Variants in SACS observed in about 807,000 individuals in gnomAD.
The protein encoded by SACS is sacsin molecular chaperone.
Under a neutral mutation model 348.0 loss-of-function variants are expected in SACS, and 197 were observed. That is an observed-to-expected ratio of 0.57 (90% confidence interval 0.50 to 0.64). The LOEUF is 0.64. Among genes scored for constraint, SACS ranks in the 30% least tolerant of loss-of-function variants. The pLI, the probability that SACS is intolerant of heterozygous loss-of-function variation, is 0.00. For synonymous variants in SACS, 1,985 were observed against 1,910.6 expected (o/e 1.04, Z -1.02); for missense variants, 4,999 against 5,360.8 (o/e 0.93, Z 2.11).
chr13:23,396,032 T>C (rs1016103747), intron 2 of SACS, among the ~76,000 whole-genome samples: 3 of 152,160 alleles, frequency 2.0e-5, no homozygotes, highest in Admixed American at 6.6e-5. Flanking sequence ...TCAGAACTTA[T>C]ATAAATTCAG....
chr13:23,406,028 T>G (rs1873187521), intron 2 of SACS, among the ~76,000 whole-genome samples: 1 of 152,242 alleles, frequency 6.6e-6, no homozygotes, highest in African/African-American at 2.4e-5. Context: ...ATCCCGTTAC[T>G]GGGTATATAC....
At chr13:23,360,135 A>G (rs1391271655) in intron 6 of SACS, among the ~76,000 whole-genome samples, 1 of 152,102 alleles carries the variant, frequency 6.6e-6, no homozygotes, top group African/African-American at 2.4e-5. Context: ...TGGGGACCCA[A>G]TGAGACAGCA....
At chr13:23,358,099 A>G (rs1199186477) in intron 7 of SACS, among the ~76,000 whole-genome samples, 1 of 152,234 alleles carries the variant, frequency 6.6e-6, no homozygotes, top group Non-Finnish European at 1.5e-5. Flanking sequence ...CCACTGGATC[A>G]TGATGATGTT....
At chr13:23,406,386 G>A (rs1164372286) in intron 2 of SACS, among the ~76,000 whole-genome samples, 2 of 152,002 alleles carry the variant, frequency 1.3e-5, no homozygotes, top group East Asian at 3.9e-4. Context: ...GTCGGGGGGT[G>A]GGGATTAGGG....
chr13:23,405,861 T>C (rs1202402407), intron 2 of SACS, among the ~76,000 whole-genome samples: 1 of 152,132 alleles, frequency 6.6e-6, no homozygotes, highest in Non-Finnish European at 1.5e-5. Context: ...CCAGTTAGAA[T>C]GGTGATCATT....
chr13:23,381,711 A>G (rs1872065948), intron 2 of SACS, among the ~76,000 whole-genome samples: 1 of 152,236 alleles, frequency 6.6e-6, no homozygotes, highest in South Asian at 2.1e-4. Context: ...ACAAATGGGA[A>G]CTATTTGTTT....
chr13:23,366,989 C>T (rs1033946605), intron 5 of SACS, among the ~76,000 whole-genome samples: 2 of 152,176 alleles, frequency 1.3e-5, no homozygotes, highest in Non-Finnish European at 2.9e-5. Context: ...GGCTACAATA[C>T]AAATATATCT....
chr13:23,419,930 C>T (rs1873854335), intron 1 of SACS, among the ~76,000 whole-genome samples: 1 of 152,164 alleles, frequency 6.6e-6, no homozygotes. Context: ...CTGGGTGTCC[C>T]CATGGAACCT....
intron 1 of SACS, among the ~76,000 whole-genome samples, chr13:23,418,009 A>T (rs867936965): frequency 1.3e-5 from 2 of 150,970 alleles, no homozygotes; most frequent in African/African-American, 4.9e-5. Context: ...GCAGTCTGCA[A>T]TGAGCTTAGA....
chr13:23,347,500 G>A (rs1413640857), intron 9 of SACS, among the ~76,000 whole-genome samples: 1 of 152,068 alleles, frequency 6.6e-6, no homozygotes, highest in Non-Finnish European at 1.5e-5. Flanking sequence ...GAGAGCAAAG[G>A]TGTAACCAAA....
intron 1 of SACS, among the ~76,000 whole-genome samples, chr13:23,423,042 G>A (rs1874019218): frequency 6.6e-6 from 1 of 152,142 alleles, no homozygotes; most frequent in Admixed American, 6.5e-5. Context: ...TGAGATTTCA[G>A]AGGCAATCAG....
rs1883706740 is a variant in SACS, at chr13:23,334,559, G to A, written c.9317C>T (p.Ser3106Phe). The A allele has an allele frequency of 1.9e-6, 3 of 1,613,422 alleles. No individual in the cohort carries two copies. In the East Asian group the frequency reaches 6.7e-5, roughly 36 times the overall value. The change falls in exon 10 of 10, where the codon TCC becomes TTC. Residue 3106 changes from serine to phenylalanine, a missense_variant. By Grantham distance (155) the Ser-to-Phe change is radical. Around this residue, in one of 6 missense-constraint regions of SACS, gnomAD observed 734 missense variants for 694.0 expected, o/e 1.06. Transcript: ENST00000382292. Reference sequence around the variant, plus strand: ...AATATGGCAATTAGTGTCAGGAGAGGAAAATGTCATTAAAAAAGATCTGAT... The same window carrying A: ...AATATGGCAATTAGTGTCAGGAGAGAAAAATGTCATTAAAAAAGATCTGAT... Reference protein sequence around the residue: ...ADIRSFLMTFSSPDTNCHIGK... With the variant: ...ADIRSFLMTFFSPDTNCHIGK...
At chr13:23,390,680 T>C (rs1412797156) in intron 2 of SACS, among the ~76,000 whole-genome samples, 1 of 152,066 alleles carries the variant, frequency 6.6e-6, no homozygotes, top group Non-Finnish European at 1.5e-5. Context: ...AAATAAGAAG[T>C]AAATAAGTAA....
chr13:23,331,964 G>C lies in SACS; in HGVS notation c.11912C>G (p.Pro3971Arg). The change falls in exon 10 of 10, where the codon CCT becomes CGT. Residue 3971 changes from proline (P) to arginine (R), a missense_variant. This residue lies in a region of SACS where 831 missense variants were observed against 941.8 expected (regional missense o/e 0.88). Transcript: ENST00000382292. ...LIMLFPQKLR[P>R]RLLSSILEEQ... ...TTCAAGTATACTGCTCAATAATCGA[G>C]GTCTAAGTTTTTGAGGAAAGAGCAT... is the stretch of plus-strand genomic sequence containing the variant. The C allele has an allele frequency of 6.2e-7, 1 of 1,614,018 alleles. No homozygotes were observed. The highest frequency in any genetic ancestry group is 8.5e-7 in the Non-Finnish European group (1 of 1,179,962).
Position 23,338,035 on chromosome 13 carries a change from G to A in SACS, c.5841C>T (p.Pro1947=), listed in dbSNP as rs145371235. The A allele has an allele frequency of 8.1e-5, 131 of 1,613,694 alleles. No individual in the cohort carries two copies. The Middle Eastern group carries it at 9.9e-4, about 12-fold the overall frequency. Residue 1947 remains proline, a synonymous_variant, in exon 10 of 10, where the codon CCC becomes CCT. Transcript: ENST00000382292. The stretch of plus-strand genomic sequence containing the variant: ...AATCATCATGAACTAAATCAGGATC[G>A]GGCCATACTGCATAGTAAGTATAAT... The part of the protein sequence containing the change: ...LMDYTYYAVW[P]DPDLVHDDFS...
At chr13:23,428,037 C>G (rs1874265031) in intron 1 of SACS, 1 of 152,222 alleles carries the variant, frequency 6.6e-6, no homozygotes, top group African/African-American at 2.4e-5. Context: ...CACGCCTCTG[C>G]AGCTGCACCT....
At chr13:23,394,221 C>T (rs774172867) in intron 2 of SACS, among the ~76,000 whole-genome samples, 13 of 152,210 alleles carry the variant, frequency 8.5e-5, no homozygotes, top group Non-Finnish European at 1.9e-4. Flanking sequence ...TTCCACTATA[C>T]CTCGTCCTGG....
intron 8 of SACS, 69 bp downstream of exon 8, chr13:23,354,450 G>A: frequency 3.0e-6 from 4 of 1,326,866 alleles, no homozygotes; most frequent in Non-Finnish European, 4.3e-6. Context: ...CACAACAAAG[G>A]ACTCTCACAG....
At chr13:23,419,894 C>CTA (rs927634695) in intron 1 of SACS, among the ~76,000 whole-genome samples, 2 of 152,154 alleles carry the variant, frequency 1.3e-5, no homozygotes, top group Non-Finnish European at 2.9e-5. Context: ...GTGTGTACCC[C>CTA]TAGGGACGCA....
Sources: allele counts gnomAD v4.1 joint callset (sites outside exome capture counted in the v4.1 genomes callset), GRCh38; gene constraint gnomAD v4.1.1; regional missense constraint gnomAD v4.1.1; transcripts MANE v1.5; gene names NCBI Gene and HGNC (gene_info 2026-07-23, HGNC 2026-07-21).